The following NKAIN2 variants were observed in gnomAD, a reference collection of about 807,000 sequenced individuals.
NKAIN2 encodes the protein sodium/potassium-transporting ATPase subunit beta-1-interacting protein 2.
NKAIN2 carries 14 observed loss-of-function variants against 32.6 expected under a neutral mutation model. That is an observed-to-expected ratio of 0.43 (90% CI 0.28 to 0.67). The LOEUF is 0.67. Among genes scored for constraint, NKAIN2 ranks in the 30% least tolerant of loss-of-function variants. NKAIN2 has a pLI of 0.17. For synonymous variants in NKAIN2, 80 were observed against 87.2 expected (o/e 0.92, Z 0.46); for missense variants, 198 against 258.3 (o/e 0.77, Z 1.60).
chr6:124,542,366 C>G (rs2114847235), intron 3 of NKAIN2, among the ~76,000 whole-genome samples: 1 of 152,228 alleles, frequency 6.6e-6, no homozygotes, highest in Admixed American at 6.5e-5. Flanking sequence ...ACATCCAATT[C>G]TGTAGTTTTA....
At chr6:124,720,916 C>A (rs1280142867) in intron 4 of NKAIN2, among the ~76,000 whole-genome samples, 3 of 152,142 alleles carry the variant, frequency 2.0e-5, no homozygotes, top group Admixed American at 6.5e-5. Flanking sequence ...GTGGGATTGT[C>A]AAGATTATTA....
At chr6:124,416,134 C>T (rs1211886368) in intron 3 of NKAIN2, among the ~76,000 whole-genome samples, 1 of 151,914 alleles carries the variant, frequency 6.6e-6, no homozygotes. Flanking sequence ...ATAAGAAAAC[C>T]CTGAAAGGCC....
chr6:124,016,920 A>G (rs1408408968), intron 1 of NKAIN2, among the ~76,000 whole-genome samples: 6 of 152,190 alleles, frequency 3.9e-5, no homozygotes, highest in African/African-American at 1.2e-4. Context: ...TAAGATGACA[A>G]CCCCAGGATG....
chr6:124,706,458 A>T (rs143003492), intron 4 of NKAIN2, among the ~76,000 whole-genome samples: 1 of 152,206 alleles, frequency 6.6e-6, no homozygotes, highest in Non-Finnish European at 1.5e-5. Flanking sequence ...ATATGATTCT[A>T]TGTCAGCTGA....
chr6:124,168,182 A>G lies in NKAIN2; in HGVS notation c.55-114823A>G, dbSNP rs545092117. Among the ~76,000 whole-genome samples the G allele has an allele frequency of 9.1e-4, 138 of 152,238 alleles. 2 individuals carry two copies. Among genetic ancestry groups the G allele is most frequent in the South Asian group, 7.9e-3 (38 of 4,818 alleles). Reference sequence around the variant, plus strand: ...ATAGTGCACAAGTTCATATTACATCATTGTCAGTTTGTATTAGTATTGCTA... The same window carrying G: ...ATAGTGCACAAGTTCATATTACATCGTTGTCAGTTTGTATTAGTATTGCTA... On this transcript the variant is annotated intron_variant, in intron 1 of 6. Transcript: ENST00000368417.
At chr6:124,819,994 C>T (rs1781326152) in intron 6 of NKAIN2, among the ~76,000 whole-genome samples, 1 of 152,112 alleles carries the variant, frequency 6.6e-6, no homozygotes, top group African/African-American at 2.4e-5. Flanking sequence ...CTCTTTGAAA[C>T]CCCACTATCC....
At chr6:124,539,324 G>A (rs962544082) in intron 3 of NKAIN2, among the ~76,000 whole-genome samples, 45 of 151,898 alleles carry the variant, frequency 3.0e-4, no homozygotes, top group African/African-American at 1.1e-3. Flanking sequence ...TGGACCTCAG[G>A]TTGCATAATA....
At chr6:124,356,253 C>A (rs912089476) in intron 3 of NKAIN2, among the ~76,000 whole-genome samples, 5 of 152,078 alleles carry the variant, frequency 3.3e-5, no homozygotes, top group African/African-American at 1.2e-4. Flanking sequence ...CAGGAACTAC[C>A]TTTGCCTTGT....
intron 3 of NKAIN2, among the ~76,000 whole-genome samples, chr6:124,395,716 T>C (rs1773349078): frequency 1.3e-5 from 2 of 152,158 alleles, no homozygotes; most frequent in Non-Finnish European, 1.5e-5. Flanking sequence ...GTTTTTCATT[T>C]GATTATTTCT....
At chr6:124,677,793 C>A (rs1006747000) in intron 4 of NKAIN2, among the ~76,000 whole-genome samples, 1 of 152,064 alleles carries the variant, frequency 6.6e-6, no homozygotes, top group Non-Finnish European at 1.5e-5. Flanking sequence ...TATGTATTTA[C>A]ATTTACCCAT....
At chr6:123,881,274 G>A (rs541127297) in intron 1 of NKAIN2, among the ~76,000 whole-genome samples, 42 of 152,136 alleles carry the variant, frequency 2.8e-4, no homozygotes, top group African/African-American at 1.0e-3. Context: ...CGCCCACCTC[G>A]GCCTCCCAAA....
At chr6:124,395,583 T>C (rs1209502556) in intron 3 of NKAIN2, among the ~76,000 whole-genome samples, 1 of 152,150 alleles carries the variant, frequency 6.6e-6, no homozygotes, top group Non-Finnish European at 1.5e-5. Flanking sequence ...CTTGGAAAGG[T>C]AAACATCTCA....
At chr6:124,000,440 G>GA (rs372773809) in intron 1 of NKAIN2, among the ~76,000 whole-genome samples, 37 of 150,254 alleles carry the variant, frequency 2.5e-4, no homozygotes, top group East Asian at 3.9e-4. Context: ...AATATAAAAA[G>GA]AAAAAAAAAT....
chr6:124,306,971 C>T (rs982708872), intron 2 of NKAIN2, among the ~76,000 whole-genome samples: 1 of 152,130 alleles, frequency 6.6e-6, no homozygotes, highest in African/African-American at 2.4e-5. Context: ...AGTGTTGCAA[C>T]TTGCATTTAT....
rs199742426 is a variant in NKAIN2 at position 124,823,189 on chromosome 6, C to T, written c.618-31C>T. On this transcript the variant is annotated intron_variant, in intron 6 of 6. Transcript: ENST00000368417. ...GCAGCAGGCACCTGTCACTTTCCCC[C>T]TTGACTAAAAACATCTTTTCTCTCT... The T allele has an allele frequency of 5.3e-5, 81 of 1,516,704 alleles. No homozygotes were observed. The South Asian group carries it at 8.8e-4, about 17-fold the overall frequency. The allele number at this position is 1,516,704 out of a possible 1,614,324, so 94.0% of individuals were successfully genotyped here.
chr6:123,876,648 A>G (rs1425683765), intron 1 of NKAIN2, among the ~76,000 whole-genome samples: 1 of 152,178 alleles, frequency 6.6e-6, no homozygotes, highest in Non-Finnish European at 1.5e-5. Context: ...CATGGAGGGT[A>G]GCAGAAGACT....
chr6:123,942,082 T>C (rs1007848328), intron 1 of NKAIN2, among the ~76,000 whole-genome samples: 1 of 152,002 alleles, frequency 6.6e-6, no homozygotes, highest in Non-Finnish European at 1.5e-5. Flanking sequence ...TAAAATTAGA[T>C]CACTTTATTT....
At chr6:124,295,717 C>T (rs137878505) in intron 2 of NKAIN2, among the ~76,000 whole-genome samples, 226 of 152,242 alleles carry the variant, frequency 1.5e-3, no homozygotes, top group African/African-American at 5.2e-3. Context: ...CAGAACATTT[C>T]TTTCAGATAT....
chr6:123,994,200 AT>A lies in NKAIN2; in HGVS notation c.54+189963del, dbSNP rs11440144. ...AAAAGAGAGAAACAAAGAAACTAGG[AT>A]TTTTTTTTTTTTTTTTAGATTCTGA... On this transcript the variant is annotated intron_variant, in intron 1 of 6. Transcript: ENST00000368417. 7.6e-3 allele frequency among the ~76,000 whole-genome samples: 1,101 copies of A among 143,978 alleles called. 3 individuals carry two copies. The highest frequency in any genetic ancestry group is 9.2e-3 in the Non-Finnish European group (604 of 65,418). The allele number at this position is 143,978 out of a possible 152,430, so 94.5% of individuals were successfully genotyped here.
Sources: gnomAD v4.1 joint callset for allele counts (sites outside exome capture counted in the v4.1 genomes callset) on GRCh38, gnomAD v4.1.1 for gene constraint, MANE v1.5 for transcripts, NCBI Gene and HGNC (gene_info 2026-07-23, HGNC 2026-07-21) for gene names.